The following ADAR variants were observed in gnomAD, a reference collection of about 807,000 sequenced individuals.
ADAR encodes adenosine deaminase RNA specific, also known as double-stranded RNA-specific adenosine deaminase.
A neutral mutation model predicts 113.2 loss-of-function variants in ADAR; 41 were observed. That is an observed-to-expected ratio of 0.36 (90% CI 0.28 to 0.47). The LOEUF is 0.47. ADAR is among the 20% of genes least tolerant of loss of function. ADAR has a pLI of 1.00. For synonymous variants in ADAR, 605 were observed against 572.6 expected (o/e 1.06, Z -0.81); for missense variants, 1,242 against 1,540.9 (o/e 0.81, Z 3.25).
At chr1:154,597,418 T>G in intron 4 of ADAR, 151 bp from the exon 5 acceptor site, 2 of 1,009,842 alleles carry the variant, frequency 2.0e-6, no homozygotes, top group Admixed American at 4.0e-5. Context: ...ACTTCTGCCT[T>G]GAACAGCCAG....
upstream of ADAR, chr1:154,608,292 G>A (rs1210288572): frequency 8.3e-6 from 4 of 481,906 alleles, no homozygotes; most frequent in Non-Finnish European, 1.1e-5. Flanking sequence ...CCGGTTACAA[G>A]TCGAACCCCT....
chr1:154,610,406 C>T (rs1320150239), upstream of ADAR, among the ~76,000 whole-genome samples: 1 of 152,110 alleles, frequency 6.6e-6, no homozygotes, highest in African/African-American at 2.4e-5. Context: ...AACAAGGTAG[C>T]TAATTATCTA....
chr1:154,622,185 C>A (rs537970326), intron 1 of ADAR, among the ~76,000 whole-genome samples: 1 of 152,052 alleles, frequency 6.6e-6, no homozygotes, highest in African/African-American at 2.4e-5. Context: ...ACATATCCTG[C>A]GGCAGAGCGT....
At chr1:154,620,131 A>C (rs568637107) in intron 1 of ADAR, among the ~76,000 whole-genome samples, 1 of 152,356 alleles carries the variant, frequency 6.6e-6, no homozygotes, top group South Asian at 2.1e-4. Context: ...TTTACGGGCC[A>C]GGCGCGGTGG....
chr1:154,601,804 C>T lies in ADAR; in HGVS notation c.838G>A (p.Asp280Asn). The stretch of plus-strand genomic sequence containing the variant: ...TCCAAGGCAGATGTGGAGTTGCTGT[C>T]TTCAGGTTCCAAACCTGGGTCTGAG... The part of the protein sequence containing the change: ...PNSDPGLEPE[D>N]SNSTSALEDP... The change falls in exon 2 of 15, where the codon GAC (aspartate) becomes AAC (asparagine). Residue 280 changes from aspartate to asparagine, a missense_variant. Coordinates refer to ENST00000368474, the MANE Select transcript of ADAR (RefSeq NM_001111.5). This position sits in a 1 kb window ranked among gnomAD's most constrained non-coding sequence, Gnocchi z 4.7. The T allele has an allele frequency of 6.2e-7, 1 of 1,614,256 alleles. No individual in the cohort carries two copies. Among genetic ancestry groups the T allele is most frequent in the Non-Finnish European group, 8.5e-7 (1 of 1,180,048 alleles).
At chr1:154,625,771 G>A (rs558899245) in intron 1 of ADAR, among the ~76,000 whole-genome samples, 20 of 151,728 alleles carry the variant, frequency 1.3e-4, no homozygotes, top group Non-Finnish European at 1.0e-4. Flanking sequence ...TTGGGAGGCC[G>A]AGGCAGGTGG....
At chr1:154,593,154 A>AAAC (rs1697268362) in intron 6 of ADAR, among the ~76,000 whole-genome samples, 1 of 151,464 alleles carries the variant, frequency 6.6e-6, no homozygotes, top group Non-Finnish European at 1.5e-5. Context: ...AAAAAAAAAA[A>AAAC]AACAGAAAAG....
At chr1:154,622,269 A>C (rs1432397598) in intron 1 of ADAR, among the ~76,000 whole-genome samples, 1 of 152,220 alleles carries the variant, frequency 6.6e-6, no homozygotes, top group Non-Finnish European at 1.5e-5. Flanking sequence ...TGGCTGTAAA[A>C]ACCTGAGGAA....
intron 9 of ADAR, 112 bp downstream of exon 9, chr1:154,589,257 T>A (rs1696963631): frequency 2.4e-6 from 2 of 850,746 alleles, no homozygotes; most frequent in Non-Finnish European, 4.0e-6. Context: ...CACTGCCACA[T>A]CATGACCCGT....
intron 6 of ADAR, among the ~76,000 whole-genome samples, chr1:154,593,418 A>G (rs1048058997): frequency 3.3e-5 from 5 of 152,138 alleles, no homozygotes; most frequent in Non-Finnish European, 4.4e-5. Context: ...TGCTATGGCT[A>G]TATGTCTGCT....
chr1:154,585,492 C>G (rs1357129125), intron 13 of ADAR, 148 bp from the exon 14 acceptor site: 16 of 1,136,068 alleles, frequency 1.4e-5, no homozygotes, highest in Non-Finnish European at 1.9e-5. Context: ...AGACTGAGCA[C>G]CCTCTAGACA....
At chr1:154,598,007 A>C (rs1697619210) in intron 3 of ADAR, 31 bp from the exon 4 acceptor site, 1 of 1,605,728 alleles carries the variant, frequency 6.2e-7, no homozygotes, top group Admixed American at 1.7e-5. Context: ...GAAGAAAACA[A>C]AACTAAGAAA....
chr1:154,602,005 G>A lies in ADAR; in HGVS notation c.637C>T (p.Pro213Ser), dbSNP rs1697913507. ...AWNQHSGVVR[P>S]DGHSQGAPNS... ...GGGGCTCCTTGGCTATGACCGTCTGGTCTTACCACTCCGCTGTGCTGGTTC... is the reference window on the plus strand; with the variant it reads ...GGGGCTCCTTGGCTATGACCGTCTGATCTTACCACTCCGCTGTGCTGGTTC... The change falls in exon 2 of 15, where the codon CCA (proline) becomes TCA (serine). Residue 213 changes from proline (P) to serine (S), a missense_variant. By Grantham distance (74) the Pro-to-Ser change is moderately conservative. Transcript: ENST00000368474. The A allele has an allele frequency of 1.2e-6, 2 of 1,614,104 alleles. No individual in the cohort carries two copies. The highest frequency in any genetic ancestry group is 1.7e-6 in the Non-Finnish European group (2 of 1,180,054).
chr1:154,590,025 GTCA>G (rs1697024702), intron 7 of ADAR, 97 bp from the exon 8 acceptor site: 4 of 1,540,334 alleles, frequency 2.6e-6, no homozygotes, highest in Non-Finnish European at 3.6e-6. Flanking sequence ...TGTCGTGTGA[GTCA>G]TCTTTTCCTT....
intron 1 of ADAR, among the ~76,000 whole-genome samples, chr1:154,606,474 A>G (rs1299224827): frequency 1.3e-5 from 2 of 152,242 alleles, no homozygotes; most frequent in African/African-American, 4.8e-5. Context: ...CAAAAAGAGA[A>G]AATCCATGAA....
Position 154,626,410 on chromosome 1 carries a change from C to T in ADAR, c.-871+1445G>A, listed in dbSNP as rs189290556. On this transcript the variant is annotated intron_variant, in intron 1 of 14. Transcript: ENST00000368471. ...GATTACAGGCATGAGCCACTGCACC[C>T]GGCCTAAAGTGAGATCTTCACCTCT... is the stretch of plus-strand genomic sequence containing the variant. 4.6e-5 allele frequency among the ~76,000 whole-genome samples: 7 copies of T among 152,136 alleles called. No homozygotes were observed. The East Asian group carries it at 7.7e-4, about 17-fold the overall frequency.
chr1:154,622,641 T>G (rs796830975), intron 1 of ADAR, among the ~76,000 whole-genome samples: 1 of 152,204 alleles, frequency 6.6e-6, no homozygotes, highest in Non-Finnish European at 1.5e-5. Context: ...TGGAGGCTCC[T>G]TGGGCCTGAC....
chr1:154,595,598 T>G (rs1446131393), intron 6 of ADAR, among the ~76,000 whole-genome samples: 1 of 152,190 alleles, frequency 6.6e-6, no homozygotes, highest in Non-Finnish European at 1.5e-5. Context: ...AACATGTTTG[T>G]GTTTTAAGCT....
In ADAR at chr1:154,602,449, G is replaced by A. The variant is rs1235201482; in HGVS notation, c.193C>T (p.Pro65Ser). Reference sequence around the variant, plus strand: ...GGCCGGAGTCCTGGGAGGGAAGGTGGCAGTGACGGTGTCTGCTTTCCAATC... The same window carrying A: ...GGCCGGAGTCCTGGGAGGGAAGGTGACAGTGACGGTGTCTGCTTTCCAATC... ...PVIGKQTPSL[P>S]PSLPGLRPRF... The change falls in exon 2 of 15, where the codon CCA (proline) becomes TCA (serine). Residue 65 changes from proline (P) to serine (S), a missense_variant. Around this residue, in one of 2 missense-constraint regions of ADAR, gnomAD observed 462 missense variants for 483.1 expected, o/e 0.96. Coordinates refer to ENST00000368474, the MANE Select transcript of ADAR (RefSeq NM_001111.5). The A allele has an allele frequency of 1.2e-6, 2 of 1,612,910 alleles. No individual in the cohort carries two copies. The highest frequency in any genetic ancestry group is 8.5e-7 in the Non-Finnish European group (1 of 1,179,280).
Sources: allele counts gnomAD v4.1 joint callset (sites outside exome capture counted in the v4.1 genomes callset), GRCh38; gene constraint gnomAD v4.1.1; regional missense constraint gnomAD v4.1.1; non-coding constraint Gnocchi (gnomAD v3.1); transcripts MANE v1.5; gene names NCBI Gene and HGNC (gene_info 2026-07-23, HGNC 2026-07-21).